Variants in OR4D1 observed in about 807,000 individuals in gnomAD.
OR4D1 encodes olfactory receptor family 4 subfamily D member 1.
Under a neutral mutation model 14.2 loss-of-function variants are expected in OR4D1, and 10 were observed. The observed-to-expected ratio is 0.71, with a 90% confidence interval of 0.44 to 1.20. The LOEUF (loss-of-function observed/expected upper bound fraction) is 1.20. Among genes scored for constraint, OR4D1 ranks in the 50% most tolerant of loss-of-function variants. The pLI is 0.00. For missense variants in OR4D1, 345 were observed against 376.6 expected (o/e 0.92, Z 0.70); for synonymous variants, 141 against 147.4 (o/e 0.96, Z 0.32).
rs545021554 is a variant in OR4D1 at position 58,154,800 on chromosome 17, A to G, written c.-19-335A>G. On this transcript the variant is annotated intron_variant, in intron 3 of 3. Transcript: ENST00000268912. ...GTTTATTTATTCACTGATTGATTCA[A>G]CTAGCTTTATGGAACCTATGGTTCA... 2.0e-5 allele frequency among the ~76,000 whole-genome samples: 3 copies of G among 152,358 alleles called. No individual in the cohort carries two copies. In the South Asian group the frequency reaches 6.2e-4, roughly 32 times the overall value.
chr17:58,150,227 CT>C (rs1233691407), intron 2 of OR4D1, among the ~76,000 whole-genome samples: 1 of 29,454 alleles, frequency 3.4e-5, no homozygotes, highest in African/African-American at 6.0e-5. Flanking sequence ...GAAATCCTAA[CT>C]AAGTACAAAT....
At position 58,155,518 on chromosome 17, in the gene OR4D1, G is replaced by T; in HGVS notation, c.365G>T (p.Arg122Leu). ...VFFLSVMAYD[R>L]YIAISQPLRY... Reference sequence around the variant, plus strand: ...TTTCTCTCAGTCATGGCCTATGACCGCTACATAGCCATCTCCCAGCCCCTC... The same window carrying T: ...TTTCTCTCAGTCATGGCCTATGACCTCTACATAGCCATCTCCCAGCCCCTC... The change falls in exon 4 of 4, where the codon CGC becomes CTC. Residue 122 changes from arginine (R) to leucine (L), a missense_variant. Coordinates refer to ENST00000268912, the MANE Select transcript of OR4D1 (RefSeq NM_001386095.1). The T allele has an allele frequency of 6.2e-7, 1 of 1,614,042 alleles. No homozygotes were observed. The highest frequency in any genetic ancestry group is 8.5e-7 in the Non-Finnish European group (1 of 1,179,988).
At position 58,156,931 on chromosome 17, in the gene OR4D1, TC is replaced by T; in HGVS notation, c.*848del. On this transcript the variant is annotated 3_prime_UTR_variant, in exon 4 of 4. Coordinates refer to ENST00000268912, the MANE Select transcript of OR4D1 (RefSeq NM_001386095.1). The stretch of plus-strand genomic sequence containing the variant: ...TGGAATTTAGAAAGTTATCTCGCCC[TC>T]CCTCCTCCCCCACAAAAAAAGTTTG... The T allele has an allele frequency of 3.2e-6, 2 of 632,956 alleles. No individual in the cohort carries two copies. The highest frequency in any genetic ancestry group is 3.3e-5 in the South Asian group (2 of 59,740). 39.2% of individuals were successfully genotyped at this position (632,956 alleles called of 1,614,324 possible).
intron 3 of OR4D1, 145 bp from the exon 4 acceptor site, chr17:58,154,990 C>T: frequency 1.6e-6 from 1 of 616,826 alleles, no homozygotes; most frequent in Non-Finnish European, 2.8e-6. Context: ...TATGGAACTT[C>T]CTCCCCGTGG....
intron 1 of OR4D1, 94 bp downstream of exon 1, chr17:58,148,678 A>G (rs1252574914): frequency 6.6e-6 from 1 of 152,244 alleles, no homozygotes; most frequent in Admixed American, 6.5e-5. Flanking sequence ...ATTTTATCTA[A>G]CATTAAGACT....
rs917316955 is a variant in OR4D1 at position 58,156,987 on chromosome 17, G to T, written c.*901G>T. ...GCCGCTGCGGGTTGCTAGCGGAGTC[G>T]CGCGTCGGGAGCTACGTAGGGCAGG... On this transcript the variant is annotated 3_prime_UTR_variant, in exon 4 of 4. Coordinates refer to ENST00000268912, the MANE Select transcript of OR4D1 (RefSeq NM_001386095.1). 3.3e-5 allele frequency: 25 copies of T among 757,072 alleles called. No individual in the cohort carries two copies. Among genetic ancestry groups the T allele is most frequent in the African/African-American group, 8.6e-5 (5 of 57,892 alleles). 46.9% of individuals were successfully genotyped at this position (757,072 alleles called of 1,614,324 possible).
chr17:58,155,377 C>T lies in OR4D1; in HGVS notation c.224C>T (p.Thr75Ile), dbSNP rs768368142. The change falls in exon 4 of 4, where the codon ACA becomes ATA. Residue 75 changes from threonine to isoleucine, a missense_variant. By Grantham distance (89) the Thr-to-Ile change is moderately conservative. Transcript: ENST00000268912. Reference sequence around the variant, plus strand: ...GCTCTCATAGACCTCTGCTATTCCACAGTCACCTCTCCAAAGATGCTGGTG... The same window carrying T: ...GCTCTCATAGACCTCTGCTATTCCATAGTCACCTCTCCAAAGATGCTGGTG... ...NLALIDLCYSTVTSPKMLVDF... is the reference protein window; with the variant it reads ...NLALIDLCYSIVTSPKMLVDF... The T allele has an allele frequency of 1.9e-6, 3 of 1,614,076 alleles. No homozygotes were observed. The highest frequency in any genetic ancestry group is 1.7e-5 in the Admixed American group (1 of 60,010).
intron 3 of OR4D1, 86 bp from the exon 4 acceptor site, chr17:58,155,049 A>T: frequency 2.2e-6 from 2 of 902,766 alleles, no homozygotes; most frequent in Non-Finnish European, 1.7e-6. Context: ...AACTCAACTT[A>T]ATCAACTCAA....
Position 58,158,445 on chromosome 17 carries a change from G to GCCCGC in OR4D1, c.*2362_*2363insGCCCC, listed in dbSNP as rs1200801788. 1.5e-5 allele frequency: 1 copy of GCCCGC among 67,834 alleles called. No homozygotes were observed. The highest frequency in any genetic ancestry group is 4.5e-5 in the African/African-American group (1 of 22,002). 4.2% of individuals were successfully genotyped at this position (67,834 alleles called of 1,614,324 possible). On this transcript the variant is annotated 3_prime_UTR_variant, in exon 4 of 4. Coordinates refer to ENST00000268912, the MANE Select transcript of OR4D1 (RefSeq NM_001386095.1). The stretch of plus-strand genomic sequence containing the variant: ...CATATTTGTTCCTATCTCTCCCCAC[G>GCCCGC]CCCACCCCCCCCCCACACACACATT...
chr17:58,153,187 T>G (rs978133150), intron 2 of OR4D1, among the ~76,000 whole-genome samples: 1 of 152,170 alleles, frequency 6.6e-6, no homozygotes, highest in Non-Finnish European at 1.5e-5. Context: ...TGTGTTACCC[T>G]CTGTTGTGGT....
chr17:58,156,954 T>G lies in OR4D1; in HGVS notation c.*868T>G. On this transcript the variant is annotated 3_prime_UTR_variant, in exon 4 of 4. Transcript: ENST00000268912. ...CCTCCCTCCTCCCCCACAAAAAAAGTTTGAGTCGCCGCTGCGGGTTGCTAG... is the reference window on the plus strand; with the variant it reads ...CCTCCCTCCTCCCCCACAAAAAAAGGTTGAGTCGCCGCTGCGGGTTGCTAG... 1.5e-6 allele frequency: 1 copy of G among 675,548 alleles called. No homozygotes were observed. The highest frequency in any genetic ancestry group is 2.7e-6 in the Non-Finnish European group (1 of 375,280). The allele number at this position is 675,548 out of a possible 1,614,324, so 41.8% of individuals were successfully genotyped here.
rs371436920 is a variant in OR4D1, at chr17:58,155,528, C to T, written c.375C>T (p.Ala125=). The change falls in exon 4 of 4, where the codon GCC becomes GCT. Residue 125 remains alanine (A), a synonymous_variant. Transcript: ENST00000268912. ...TCATGGCCTATGACCGCTACATAGC[C>T]ATCTCCCAGCCCCTCCGGTATGTCA... The part of the protein sequence containing the change: ...LSVMAYDRYI[A]ISQPLRYVTI... 3.7e-5 allele frequency: 59 copies of T among 1,614,084 alleles called. No individual in the cohort carries two copies. The African/African-American group carries it at 7.2e-4, about 20-fold the overall frequency.
intron 2 of OR4D1, among the ~76,000 whole-genome samples, chr17:58,151,715 T>G (rs2143657108): frequency 6.6e-6 from 1 of 152,364 alleles, no homozygotes; most frequent in African/African-American, 2.4e-5. Context: ...TTTTAGGATA[T>G]ATTTATTCTT....
At chr17:58,149,207 TTTTC>T (rs2143654319) in intron 1 of OR4D1, among the ~76,000 whole-genome samples, 1 of 152,330 alleles carries the variant, frequency 6.6e-6, no homozygotes, top group African/African-American at 2.4e-5. Context: ...CCTATGTCTA[TTTTC>T]TTTCTTGTCT....
At chr17:58,148,986 C>T (rs960016483) in intron 1 of OR4D1, among the ~76,000 whole-genome samples, 2 of 152,160 alleles carry the variant, frequency 1.3e-5, no homozygotes, top group African/African-American at 4.8e-5. Flanking sequence ...TTTCTTAAAT[C>T]TTGTGTTTAA....
In OR4D1 at chr17:58,157,054, C is replaced by A. The variant is rs2143663997; in HGVS notation, c.*968C>A. On this transcript the variant is annotated 3_prime_UTR_variant, in exon 4 of 4. Coordinates refer to ENST00000268912, the MANE Select transcript of OR4D1 (RefSeq NM_001386095.1). ...TTTTCGTCCAATGAGAAGGGGCCAG[C>A]GGTGGCGGTCGGGCCAGGTCCGGGG... 5 of 1,235,300 alleles carry A rather than the reference C, an allele frequency of 4.0e-6. No homozygotes were observed. The East Asian group carries it at 1.0e-4, about 25-fold the overall frequency. The allele number at this position is 1,235,300 out of a possible 1,614,324, so 76.5% of individuals were successfully genotyped here.
chr17:58,150,894 T>G (rs1222765641), intron 2 of OR4D1, among the ~76,000 whole-genome samples: 1 of 152,220 alleles, frequency 6.6e-6, no homozygotes, highest in African/African-American at 2.4e-5. Context: ...ACAGTGCTCA[T>G]GCTAAGAAGT....
chr17:58,154,220 A>G (rs2143659564), intron 3 of OR4D1, among the ~76,000 whole-genome samples: 1 of 151,106 alleles, frequency 6.6e-6, no homozygotes, highest in Middle Eastern at 3.5e-3. Context: ...TTGGCTTCCC[A>G]AAGTAGTGGG....
At chr17:58,151,097 A>G (rs1378491270) in intron 2 of OR4D1, among the ~76,000 whole-genome samples, 3 of 152,144 alleles carry the variant, frequency 2.0e-5, no homozygotes, top group African/African-American at 4.8e-5. Context: ...TTGGTTTTCC[A>G]TGTCCATTTT....
Sources: allele counts gnomAD v4.1 joint callset (sites outside exome capture counted in the v4.1 genomes callset), GRCh38; gene constraint gnomAD v4.1.1; transcripts MANE v1.5; gene names NCBI Gene and HGNC (gene_info 2026-07-23, HGNC 2026-07-21).